DNM3: variants seen among roughly 807,000 people sequenced by gnomAD.
DNM3 encodes the protein dynamin-3.
DNM3 carries 47 observed loss-of-function variants against 101.6 expected under a neutral mutation model. The ratio of observed to expected loss-of-function variants is 0.46; its 90% CI spans 0.37 to 0.59. The LOEUF is 0.59. Among genes scored for constraint, DNM3 ranks in the 20% least tolerant of loss-of-function variants. The pLI, the probability that DNM3 is intolerant of heterozygous loss-of-function variation, is 0.00. For missense variants in DNM3, 849 were observed against 1,085.7 expected (o/e 0.78, Z 3.06); for synonymous variants, 385 against 387.9 (o/e 0.99, Z 0.09).
intron 20 of DNM3, among the ~76,000 whole-genome samples, chr1:172,395,047 G>A (rs1351545469): frequency 6.6e-6 from 1 of 152,096 alleles, no homozygotes; most frequent in Non-Finnish European, 1.5e-5. Context: ...TTGTTTTAAC[G>A]ACGTCAACGA....
intron 16 of DNM3, among the ~76,000 whole-genome samples, chr1:172,320,045 C>T (rs1050189295): frequency 2.3e-4 from 35 of 150,912 alleles, no homozygotes; most frequent in Admixed American, 7.3e-4. Context: ...TGGAATACTA[C>T]GCAGCCATAA....
chr1:171,902,683 G>A (rs1227058874), intron 1 of DNM3, among the ~76,000 whole-genome samples: 1 of 151,904 alleles, frequency 6.6e-6, no homozygotes, highest in Non-Finnish European at 1.5e-5. Flanking sequence ...TTGAAATTCA[G>A]AAGCAACATA....
chr1:172,314,733 G>A (rs917180098), intron 16 of DNM3, among the ~76,000 whole-genome samples: 20 of 152,242 alleles, frequency 1.3e-4, no homozygotes, highest in South Asian at 4.1e-4. Flanking sequence ...CAAAGCAGCC[G>A]GGAAGCTCCA....
intron 2 of DNM3, among the ~76,000 whole-genome samples, chr1:171,960,762 C>T (rs1413901118): frequency 1.3e-5 from 2 of 152,148 alleles, no homozygotes; most frequent in Non-Finnish European, 2.9e-5. Context: ...GGGGCCCAGG[C>T]AGAGTTCATC....
In DNM3 at chr1:172,411,996, A is replaced by ACTT; in HGVS notation, c.*4156_*4158dup. 2.0e-6 allele frequency: 2 copies of ACTT among 985,652 alleles called. No homozygotes were observed. Among genetic ancestry groups the ACTT allele is most frequent in the Non-Finnish European group, 2.4e-6 (2 of 829,828 alleles). 61.1% of individuals were successfully genotyped at this position (985,652 alleles called of 1,614,324 possible). A position where few individuals can be genotyped will look rare whatever the true frequency, so the allele number is the denominator to read the frequency against. ...AATTATGTGGTGCTGTGTAGGTGAAACTTTAAGAATATTTTTGAAGCATAT... is the reference window on the plus strand; with the variant it reads ...AATTATGTGGTGCTGTGTAGGTGAAACTTCTTTAAGAATATTTTTGAAGCATAT... On this transcript the variant is annotated 3_prime_UTR_variant, in exon 21 of 21. Transcript: ENST00000627582.
chr1:171,872,290 G>A lies in DNM3; in HGVS notation c.161+30473G>A, dbSNP rs545319227. On this transcript the variant is annotated intron_variant, in intron 1 of 20. Coordinates refer to ENST00000627582, the MANE Select transcript of DNM3 (RefSeq NM_015569.5). ...AGTGAATTACCAAATGGTATATTTT[G>A]AGATGAAAAAGCTTCTTTGTTATCT... is the stretch of plus-strand genomic sequence containing the variant. Among the ~76,000 whole-genome samples the A allele has an allele frequency of 6.6e-5, 10 of 152,176 alleles. No homozygotes were observed. The South Asian group carries it at 1.9e-3, about 28-fold the overall frequency.
chr1:172,248,186 A>G (rs1206002494), intron 14 of DNM3, among the ~76,000 whole-genome samples: 2 of 152,204 alleles, frequency 1.3e-5, no homozygotes, highest in East Asian at 3.8e-4. Context: ...GTAAAACTTC[A>G]TCTAACAAAC....
At chr1:172,269,860 G>C (rs1360087654) in intron 15 of DNM3, among the ~76,000 whole-genome samples, 3 of 152,112 alleles carry the variant, frequency 2.0e-5, no homozygotes, top group Non-Finnish European at 4.4e-5. Flanking sequence ...CTAGGGAGCA[G>C]AGCTCTTCAG....
At position 172,116,845 on chromosome 1, in the gene DNM3, C is replaced by A. The variant is rs537541116; in HGVS notation, c.1546-14330C>A. On this transcript the variant is annotated intron_variant, in intron 13 of 20. Coordinates refer to ENST00000627582, the MANE Select transcript of DNM3 (RefSeq NM_015569.5). ...CATGAAAACTTTTTTCATGGAATGT[C>A]TCTCTTAAATAGCATTTCTTAGAAC... is the stretch of plus-strand genomic sequence containing the variant. Among the ~76,000 whole-genome samples the A allele has an allele frequency of 2.6e-5, 4 of 152,262 alleles. 1 individual carries two copies. The South Asian group carries it at 6.2e-4, about 24-fold the overall frequency.
chr1:172,120,038 G>A (rs534223622), intron 13 of DNM3, among the ~76,000 whole-genome samples: 16 of 152,094 alleles, frequency 1.1e-4, no homozygotes, highest in East Asian at 5.8e-4. Context: ...TTCCTCTCTC[G>A]AATCTCTTCA....
chr1:171,945,345 G>A (rs1011475267), intron 2 of DNM3, among the ~76,000 whole-genome samples: 2 of 152,156 alleles, frequency 1.3e-5, no homozygotes, highest in East Asian at 3.9e-4. Flanking sequence ...TGCATGGATA[G>A]TAAAGAGTTC....
At chr1:172,302,382 C>T (rs1251496707) in intron 15 of DNM3, among the ~76,000 whole-genome samples, 13 of 152,282 alleles carry the variant, frequency 8.5e-5, no homozygotes, top group Middle Eastern at 3.4e-3. Context: ...TTGAAGTGGG[C>T]GCAGCCCACT....
chr1:171,916,391 C>G (rs2039712382), intron 1 of DNM3, among the ~76,000 whole-genome samples: 1 of 152,282 alleles, frequency 6.6e-6, no homozygotes, highest in East Asian at 1.9e-4. Flanking sequence ...TCAGATCTTC[C>G]TTTATTTCCT....
intron 13 of DNM3, among the ~76,000 whole-genome samples, chr1:172,104,226 A>C (rs2054852455): frequency 6.6e-6 from 1 of 152,112 alleles, no homozygotes; most frequent in Non-Finnish European, 1.5e-5. Context: ...TTTTTACTGG[A>C]TATTATAAAA....
chr1:172,120,361 C>T (rs1397528851), intron 13 of DNM3, among the ~76,000 whole-genome samples: 1 of 152,104 alleles, frequency 6.6e-6, no homozygotes, highest in Non-Finnish European at 1.5e-5. Context: ...TCAATTACCT[C>T]CCACTGAGTC....
chr1:172,216,461 C>T (rs939994017), intron 14 of DNM3, among the ~76,000 whole-genome samples: 3 of 152,036 alleles, frequency 2.0e-5, no homozygotes, highest in Admixed American at 6.6e-5. Flanking sequence ...AACCTGGCTT[C>T]GTCATTTGTG....
intron 4 of DNM3, among the ~76,000 whole-genome samples, chr1:172,008,998 TTATA>T (rs1446027799): frequency 9.1e-6 from 1 of 109,348 alleles, no homozygotes; most frequent in Non-Finnish European, 1.6e-5. Flanking sequence ...ATATACTTAT[TTATA>T]TATAACATGC....
intron 2 of DNM3, among the ~76,000 whole-genome samples, chr1:171,942,224 T>TTTTTTTTG: frequency 6.7e-6 from 1 of 148,544 alleles, no homozygotes; most frequent in Non-Finnish European, 1.5e-5. Flanking sequence ...TTTTTTTTTT[T>TTTTTTTTG]ATGGAATAAG....
At chr1:172,289,098 GA>G (rs1442480916) in intron 15 of DNM3, among the ~76,000 whole-genome samples, 2 of 151,910 alleles carry the variant, frequency 1.3e-5, no homozygotes, top group African/African-American at 2.4e-5. Context: ...GCTCAAGGGG[GA>G]AAAAAAGATT....
Sources: gnomAD v4.1 joint callset for allele counts (sites outside exome capture counted in the v4.1 genomes callset) on GRCh38, gnomAD v4.1.1 for gene constraint, MANE v1.5 for transcripts, NCBI Gene and HGNC (gene_info 2026-07-23, HGNC 2026-07-21) for gene names.